Variants in LYRM1 observed in about 807,000 individuals in gnomAD.
LYRM1 encodes LYR motif-containing protein 1.
In LYRM1, 14 loss-of-function variants were observed where a neutral mutation model predicts 14.9. The ratio of observed to expected loss-of-function variants is 0.94; its 90% CI spans 0.62 to 1.47. The LOEUF (loss-of-function observed/expected upper bound fraction) is 1.47. LYRM1 is among the 40% of genes most tolerant of loss of function. The probability of loss-of-function intolerance (pLI) is 0.00; values close to 1 mark genes in which losing one functional copy is unlikely to be tolerated. For synonymous variants in LYRM1, 43 were observed against 56.2 expected, an observed-to-expected ratio of 0.77 and a Z score of 1.05; for missense variants, 153 against 149.9, an observed-to-expected ratio of 1.02 and a Z score of -0.11.
chr16:20,914,135 T>G (rs777190396), intron 1 of LYRM1, among the ~76,000 whole-genome samples: 15 of 152,008 alleles, frequency 9.9e-5, no homozygotes, highest in Non-Finnish European at 1.9e-4. Context: ...TTAATTATAC[T>G]TATTGGACAA....
intron 1 of LYRM1, among the ~76,000 whole-genome samples, chr16:20,910,339 A>C (rs2082529464): frequency 6.6e-6 from 1 of 152,230 alleles, no homozygotes; most frequent in African/African-American, 2.4e-5. Flanking sequence ...TCTCTCAGGA[A>C]ATCTTTGAAA....
chr16:20,915,384 C>G (rs995182589), intron 1 of LYRM1, among the ~76,000 whole-genome samples, 172 bp from the exon 2 acceptor site: 3 of 150,060 alleles, frequency 2.0e-5, no homozygotes, highest in South Asian at 4.3e-4. Context: ...GGCGTGAACC[C>G]GGGAGGCGGA....
chr16:20,923,968 A>G (rs1438698872), intron 3 of LYRM1, 32 bp from the exon 4 acceptor site: 1 of 1,216,460 alleles, frequency 8.2e-7, no homozygotes, highest in East Asian at 2.3e-5. Context: ...ATGATGATGA[A>G]TATGATTCTT....
chr16:20,923,438 G>A (rs1169830354), intron 3 of LYRM1, among the ~76,000 whole-genome samples: 1 of 148,064 alleles, frequency 6.8e-6, no homozygotes, highest in Non-Finnish European at 1.5e-5. Flanking sequence ...GGCCGAGGTT[G>A]CAGTGAACTG....
Position 20,920,148 on chromosome 16 carries a change from G to A in LYRM1, c.186G>A (p.Gln62=), listed in dbSNP as rs760583729. 1.9e-6 allele frequency: 3 copies of A among 1,613,896 alleles called. 1 individual carries two copies. Among genetic ancestry groups the A allele is most frequent in the South Asian group, 1.1e-5 (1 of 91,076 alleles). The change falls in exon 3 of 4, where the codon CAG becomes CAA. Residue 62 remains glutamine, a synonymous_variant. Transcript: ENST00000567954. ...TCACGGACACAGACCTAATTAAACA[G>A]TGTATAGATGAATGCACAGCCAGGA... is the stretch of plus-strand genomic sequence containing the variant. ...KNLTDTDLIK[Q]CIDECTARIE... is the part of the protein sequence containing the mutation.
At chr16:20,922,500 T>A (rs1596815306) in intron 3 of LYRM1, among the ~76,000 whole-genome samples, 4 of 151,116 alleles carry the variant, frequency 2.6e-5, no homozygotes, top group South Asian at 4.2e-4. Context: ...TTTTTGGTTC[T>A]TTTTTTTTAG....
rs3216893 is a variant in LYRM1 at position 20,916,082 on chromosome 16, GTTT to G, written c.159+376_159+378del. On this transcript the variant is annotated intron_variant, in intron 2 of 3. Transcript: ENST00000567954. ...AAAGTGGTTTTTTGTTGTTGTTGTT[GTTT>G]TTTTTTTCAATTCATAAACTATTCA... Among the ~76,000 whole-genome samples, 58 of 149,560 alleles carry G rather than the reference GTTT, an allele frequency of 3.9e-4. 1 individual carries two copies. The highest frequency in any genetic ancestry group is 1.1e-3 in the African/African-American group (44 of 39,686).
chr16:20,916,721 C>G (rs1218531547), intron 2 of LYRM1, among the ~76,000 whole-genome samples: 1 of 152,208 alleles, frequency 6.6e-6, no homozygotes, highest in Non-Finnish European at 1.5e-5. Context: ...AGTGCCTCCC[C>G]TTCCCCACTG....
intron 3 of LYRM1, among the ~76,000 whole-genome samples, chr16:20,923,386 G>C (rs376453957): frequency 1.3e-5 from 2 of 151,408 alleles, no homozygotes; most frequent in East Asian, 3.9e-4. Flanking sequence ...TATAATCCCA[G>C]CTACTCGGGA....
Position 20,904,691 on chromosome 16 carries a change from T to TTTTGTG in LYRM1, c.-1+3803_-1+3804insTTGTGT, listed in dbSNP as rs148224628. Among the ~76,000 whole-genome samples, 854 of 141,102 alleles carry TTTTGTG rather than the reference T, an allele frequency of 6.1e-3. 3 individuals carry two copies. Among genetic ancestry groups the TTTTGTG allele is most frequent in the South Asian group, 0.012 (52 of 4,344 alleles). The allele number at this position is 141,102 out of a possible 152,430, so 92.6% of individuals were successfully genotyped here. A position where few individuals can be genotyped will look rare whatever the true frequency, so the allele number is the denominator to read the frequency against. On this transcript the variant is annotated intron_variant, in intron 1 of 3. Coordinates refer to ENST00000567954, the MANE Select transcript of LYRM1 (RefSeq NM_001128302.3). ...TCTGAAACAGGAAATAAGTCTGTGG[T>TTTTGTG]TGTGTGTGTGTGTGTGTGTGTGTGT...
chr16:20,912,433 A>AT (rs900008729), intron 1 of LYRM1, among the ~76,000 whole-genome samples: 16 of 151,806 alleles, frequency 1.1e-4, no homozygotes, highest in Admixed American at 5.9e-4. Flanking sequence ...TGCCCGGCTA[A>AT]TTTTTTTTTG....
At chr16:20,902,108 C>T (rs1162301734) in intron 1 of LYRM1, among the ~76,000 whole-genome samples, 1 of 152,152 alleles carries the variant, frequency 6.6e-6, no homozygotes, top group Non-Finnish European at 1.5e-5. Flanking sequence ...GAGACTCCGT[C>T]TTAAGAAAAA....
chr16:20,915,528 TC>T (rs771901962), intron 1 of LYRM1, 27 bp from the exon 2 acceptor site: 4 of 1,597,288 alleles, frequency 2.5e-6, no homozygotes, highest in Non-Finnish European at 3.4e-6. Flanking sequence ...ATGCAAATTT[TC>T]CCTCTTCTAT....
intron 2 of LYRM1, among the ~76,000 whole-genome samples, chr16:20,919,088 TGAAA>T (rs2152552615): frequency 6.6e-6 from 1 of 152,334 alleles, no homozygotes; most frequent in African/African-American, 2.4e-5. Flanking sequence ...TACCTCATAA[TGAAA>T]GAGTTTCTCC....
intron 1 of LYRM1, among the ~76,000 whole-genome samples, chr16:20,914,455 AT>A (rs35172104): frequency 0.57 from 75,607 of 132,052 alleles, 21,832 homozygotes; most frequent in Non-Finnish European, 0.69. Context: ...CACCTGGCTA[AT>A]TTTTTTTTTT....
intron 1 of LYRM1, among the ~76,000 whole-genome samples, chr16:20,908,684 TC>T (rs1392972867): frequency 3.9e-5 from 6 of 152,212 alleles, no homozygotes; most frequent in Admixed American, 6.5e-5. Flanking sequence ...GAATTCAGAC[TC>T]AGAGAAGAAA....
intron 1 of LYRM1, chr16:20,902,352 GAT>G (rs2082107640): frequency 6.6e-6 from 1 of 152,244 alleles, no homozygotes; most frequent in African/African-American, 2.4e-5. Context: ...CAAGAAGTTA[GAT>G]ATACAAGTCG....
rs2083118165 is a variant in LYRM1 at position 20,920,221 on chromosome 16, G to A, written c.252+7G>A. Reference sequence around the variant, plus strand: ...GATTCCTTACCCAAGGCCAGTAAGTGTGACTCCGGTTAACAAGTGCTGGGT... The same window carrying A: ...GATTCCTTACCCAAGGCCAGTAAGTATGACTCCGGTTAACAAGTGCTGGGT... On this transcript the variant is annotated splice_region_variant and intron_variant, in intron 3 of 3. Transcript: ENST00000567954. The A allele has an allele frequency of 6.3e-7, 1 of 1,599,724 alleles. No individual in the cohort carries two copies. The highest frequency in any genetic ancestry group is 8.6e-7 in the Non-Finnish European group (1 of 1,166,876).
chr16:20,922,907 C>T (rs905819334), intron 3 of LYRM1, among the ~76,000 whole-genome samples: 1 of 152,052 alleles, frequency 6.6e-6, no homozygotes, highest in African/African-American at 2.4e-5. Flanking sequence ...CAGTTTGAGT[C>T]CACAGGCCTG....
Sources: gnomAD v4.1 joint callset for allele counts (sites outside exome capture counted in the v4.1 genomes callset) on GRCh38, gnomAD v4.1.1 for gene constraint, MANE v1.5 for transcripts, NCBI Gene and HGNC (gene_info 2026-07-23, HGNC 2026-07-21) for gene names.